The following TNFSF4 variants were observed in gnomAD, a reference collection of about 807,000 sequenced individuals.
The protein encoded by TNFSF4 is TNF superfamily member 4.
In TNFSF4, 4 loss-of-function variants were observed where a neutral mutation model predicts 7.3. That is an observed-to-expected ratio of 0.55 (90% CI 0.27 to 1.25). The LOEUF (loss-of-function observed/expected upper bound fraction) is 1.25, where lower values mean the gene tolerates loss of function less well. Among genes scored for constraint, TNFSF4 ranks in the 50% most tolerant of loss-of-function variants. The probability of loss-of-function intolerance (pLI) is 0.12; values close to 1 mark genes in which losing one functional copy is unlikely to be tolerated. For synonymous variants in TNFSF4, 76 were observed against 83.7 expected, an observed-to-expected ratio of 0.91 and a Z score of 0.50; for missense variants, 181 against 208.8, an observed-to-expected ratio of 0.87 and a Z score of 0.82.
chr1:173,352,059 T>C, the TNFSF4 span: 11 of 333,008 alleles, frequency 3.3e-5, no homozygotes, highest in African/African-American at 2.4e-4. Flanking sequence ...GAAGAAAAAA[T>C]ATATATACTC....
the TNFSF4 span, among the ~76,000 whole-genome samples, chr1:173,309,366 T>TA: frequency 6.6e-6 from 1 of 151,918 alleles, no homozygotes; most frequent in African/African-American, 2.4e-5. Flanking sequence ...ATGTACTTTT[T>TA]AAAAAAGTAA....
At chr1:173,450,609 G>A in the TNFSF4 span, among the ~76,000 whole-genome samples, 1 of 151,446 alleles carries the variant, frequency 6.6e-6, no homozygotes, top group South Asian at 2.1e-4. Flanking sequence ...AGAATGCAAG[G>A]CTCACTCAAC....
chr1:173,311,048 TAA>T, the TNFSF4 span, among the ~76,000 whole-genome samples: 1 of 152,032 alleles, frequency 6.6e-6, no homozygotes, highest in Non-Finnish European at 1.5e-5. Flanking sequence ...ATCATATGTT[TAA>T]GTTTTTAAAC....
the TNFSF4 span, among the ~76,000 whole-genome samples, chr1:173,381,296 T>A: frequency 6.6e-6 from 1 of 151,592 alleles, no homozygotes; most frequent in Non-Finnish European, 1.5e-5. Flanking sequence ...GGGAAAAGTG[T>A]TGTTTTTACA....
chr1:173,281,819 C>A, the TNFSF4 span, among the ~76,000 whole-genome samples: 1 of 152,202 alleles, frequency 6.6e-6, no homozygotes, highest in South Asian at 2.1e-4. Context: ...TACTCACAAC[C>A]AATCCTATGA....
chr1:173,250,706 A>G, the TNFSF4 span, among the ~76,000 whole-genome samples: 55 of 151,816 alleles, frequency 3.6e-4, no homozygotes, highest in East Asian at 6.8e-3. Context: ...TGATCCGCCC[A>G]CCTCGGCCTC....
At chr1:173,282,922 T>C in the TNFSF4 span, among the ~76,000 whole-genome samples, 1 of 152,220 alleles carries the variant, frequency 6.6e-6, no homozygotes, top group Non-Finnish European at 1.5e-5. Context: ...TTTCCATTTA[T>C]TAAATAATAT....
the TNFSF4 span, among the ~76,000 whole-genome samples, chr1:173,420,960 G>C: frequency 6.6e-6 from 1 of 152,190 alleles, no homozygotes; most frequent in East Asian, 1.9e-4. Flanking sequence ...ATATCCATTT[G>C]TTTTTTACTA....
chr1:173,288,935 T>C, the TNFSF4 span, among the ~76,000 whole-genome samples: 1 of 152,090 alleles, frequency 6.6e-6, no homozygotes, highest in Non-Finnish European at 1.5e-5. Context: ...GTAAATGGAA[T>C]TTTTAAGAGA....
the TNFSF4 span, among the ~76,000 whole-genome samples, chr1:173,422,974 ATTT>A: frequency 1.3e-5 from 2 of 148,980 alleles, no homozygotes; most frequent in Non-Finnish European, 1.5e-5. Flanking sequence ...ATATATGTAC[ATTT>A]TTTTTTTTTT....
chr1:173,196,700 T>A (rs1056283815), intron 1 of TNFSF4, among the ~76,000 whole-genome samples: 1 of 152,230 alleles, frequency 6.6e-6, no homozygotes, highest in African/African-American at 2.4e-5. Flanking sequence ...AAAGTATCCA[T>A]GTGACATGAA....
the TNFSF4 span, among the ~76,000 whole-genome samples, chr1:173,271,251 G>A: frequency 1.3e-5 from 2 of 152,120 alleles, no homozygotes; most frequent in African/African-American, 4.8e-5. Flanking sequence ...TATTGCCTAG[G>A]TTTTCTTCTA....
chr1:173,258,620 G>C, the TNFSF4 span, among the ~76,000 whole-genome samples: 3 of 152,216 alleles, frequency 2.0e-5, no homozygotes, highest in Admixed American at 6.5e-5. Flanking sequence ...AGTTCCCGGG[G>C]TGAGAGGAGC....
the TNFSF4 span, among the ~76,000 whole-genome samples, chr1:173,425,499 A>G: frequency 6.6e-5 from 10 of 152,220 alleles, no homozygotes; most frequent in African/African-American, 2.4e-4. Flanking sequence ...ATGTTAGATG[A>G]GGTAAATAAT....
the TNFSF4 span, among the ~76,000 whole-genome samples, chr1:173,312,795 T>G: frequency 6.6e-6 from 1 of 152,068 alleles, no homozygotes; most frequent in Non-Finnish European, 1.5e-5. Context: ...AAAACACACA[T>G]GCTCACAGGG....
At chr1:173,438,638 T>C in the TNFSF4 span, among the ~76,000 whole-genome samples, 81 of 152,306 alleles carry the variant, frequency 5.3e-4, no homozygotes, top group East Asian at 6.2e-3. Context: ...TACTGGCAAA[T>C]CTCTTCTTTG....
At chr1:173,333,345 A>AT in the TNFSF4 span, among the ~76,000 whole-genome samples, 1 of 151,690 alleles carries the variant, frequency 6.6e-6, no homozygotes, top group Admixed American at 6.6e-5. Flanking sequence ...ATAAAAGCTG[A>AT]CCCTCTTGCA....
the TNFSF4 span, among the ~76,000 whole-genome samples, chr1:173,324,940 C>G: frequency 6.6e-6 from 1 of 152,184 alleles, no homozygotes; most frequent in Non-Finnish European, 1.5e-5. Context: ...CCACTGTCAA[C>G]ATTAGACAGA....
Position 173,195,176 on chromosome 1 carries a change from T to A in TNFSF4, c.154-6607A>T, listed in dbSNP as rs1332251296. Among the ~76,000 whole-genome samples, 5 of 152,230 alleles carry A rather than the reference T, an allele frequency of 3.3e-5. No individual in the cohort carries two copies. The East Asian group carries it at 5.8e-4, about 18-fold the overall frequency. On this transcript the variant is annotated intron_variant, in intron 1 of 2. Coordinates refer to ENST00000281834, the MANE Select transcript of TNFSF4 (RefSeq NM_003326.5). ...AAATAACACCAAAAAAAAGCATTTATCTGAGGGTCCTAAATTAACTTGAAT... is the reference window on the plus strand; with the variant it reads ...AAATAACACCAAAAAAAAGCATTTAACTGAGGGTCCTAAATTAACTTGAAT...
Sources: allele counts gnomAD v4.1 joint callset (sites outside exome capture counted in the v4.1 genomes callset), GRCh38; gene constraint gnomAD v4.1.1; transcripts MANE v1.5; gene names NCBI Gene and HGNC (gene_info 2026-07-23, HGNC 2026-07-21).